The following WASL variants were observed in gnomAD, a reference collection of about 807,000 sequenced individuals.
The protein encoded by WASL is actin nucleation-promoting factor WASL.
WASL carries 20 observed loss-of-function variants against 55.5 expected under a neutral mutation model. The ratio of observed to expected loss-of-function variants is 0.36; its 90% CI spans 0.25 to 0.52. The LOEUF (loss-of-function observed/expected upper bound fraction) is 0.52, where lower values mean the gene tolerates loss of function less well. Among genes scored for constraint, WASL ranks in the 20% least tolerant of loss-of-function variants. WASL has a pLI of 0.92. For missense variants in WASL, 504 were observed against 622.5 expected (o/e 0.81, Z 2.03); for synonymous variants, 249 against 217.6 (o/e 1.14, Z -1.27).
At chr7:123,725,627 T>C (rs545466750) in intron 1 of WASL, among the ~76,000 whole-genome samples, 4 of 152,300 alleles carry the variant, frequency 2.6e-5, no homozygotes, top group Admixed American at 2.6e-4. Flanking sequence ...AGAACTTTAC[T>C]TGTATTTTCT....
At chr7:123,693,066 TTTC>T (rs1250040218) in intron 8 of WASL, among the ~76,000 whole-genome samples, 199 bp from the exon 9 acceptor site, 1 of 152,164 alleles carries the variant, frequency 6.6e-6, no homozygotes, top group Non-Finnish European at 1.5e-5. Flanking sequence ...TAAAGATCAC[TTTC>T]TTATTGGTTC....
intron 1 of WASL, among the ~76,000 whole-genome samples, chr7:123,726,082 A>G (rs1804035810): frequency 6.6e-6 from 1 of 152,224 alleles, no homozygotes; most frequent in South Asian, 2.1e-4. Flanking sequence ...TTAGATCAAT[A>G]TTCTTCATGC....
chr7:123,689,156 AAAAG>A lies in WASL; in HGVS notation c.1348-10_1348-7del. The A allele has an allele frequency of 1.2e-6, 2 of 1,610,376 alleles. No homozygotes were observed. The highest frequency in any genetic ancestry group is 1.7e-6 in the Non-Finnish European group (2 of 1,177,166). Reference sequence around the variant, plus strand: ...GACTCTTGGCCATCAGCCACCTTGGAAAAGAAAGTTAGCAAAACTCAGTAATAAA... The same window carrying A: ...GACTCTTGGCCATCAGCCACCTTGGAAAAGTTAGCAAAACTCAGTAATAAA... On this transcript the variant is annotated splice_polypyrimidine_tract_variant and splice_region_variant and intron_variant, in intron 9 of 10. Transcript: ENST00000223023.
intron 5 of WASL, among the ~76,000 whole-genome samples, chr7:123,704,100 A>G (rs1803631340): frequency 6.6e-6 from 1 of 152,204 alleles, no homozygotes; most frequent in South Asian, 2.1e-4. Flanking sequence ...AGTGGTCATT[A>G]TCAAATTAAA....
In WASL at chr7:123,704,620, G is replaced by T; in HGVS notation, c.460+14C>A. ...CTAAAATCTTAAAAGATTAATAATTGTCAAAAAGCTTACCATTTGGGGGAT... is the reference window on the plus strand; with the variant it reads ...CTAAAATCTTAAAAGATTAATAATTTTCAAAAAGCTTACCATTTGGGGGAT... On this transcript the variant is annotated intron_variant, in intron 5 of 10. Coordinates refer to ENST00000223023, the MANE Select transcript of WASL (RefSeq NM_003941.4). 1 of 1,509,552 alleles carries T rather than the reference G, an allele frequency of 6.6e-7. No individual in the cohort carries two copies. The highest frequency in any genetic ancestry group is 9.1e-7 in the Non-Finnish European group (1 of 1,104,412). 93.5% of individuals were successfully genotyped at this position (1,509,552 alleles called of 1,614,324 possible).
chr7:123,718,845 G>C (rs1381894987), intron 1 of WASL, among the ~76,000 whole-genome samples: 2 of 152,112 alleles, frequency 1.3e-5, no homozygotes, highest in Non-Finnish European at 2.9e-5. Flanking sequence ...ATCTAAACCT[G>C]TTTTCCTGGC....
intron 7 of WASL, 45 bp downstream of exon 7, chr7:123,695,778 T>G: frequency 1.3e-6 from 2 of 1,585,318 alleles, no homozygotes; most frequent in Non-Finnish European, 1.7e-6. Context: ...GGCCAACACA[T>G]TTCCACATAC....
At chr7:123,742,981 G>A (rs1207133942) in intron 1 of WASL, among the ~76,000 whole-genome samples, 1 of 152,064 alleles carries the variant, frequency 6.6e-6, no homozygotes, top group Non-Finnish European at 1.5e-5. Context: ...CATTAAAGCT[G>A]GAAAGACTGT....
chr7:123,724,882 A>G (rs375208896), intron 1 of WASL, among the ~76,000 whole-genome samples: 6 of 152,310 alleles, frequency 3.9e-5, no homozygotes, highest in African/African-American at 1.4e-4. Flanking sequence ...AAATGCCACA[A>G]CAATTTGCTT....
At chr7:123,744,979 G>A (rs1467264543) in intron 1 of WASL, among the ~76,000 whole-genome samples, 1 of 152,120 alleles carries the variant, frequency 6.6e-6, no homozygotes, top group Non-Finnish European at 1.5e-5. Context: ...TTTAGAAACT[G>A]TGGTAAAACA....
At chr7:123,711,690 TA>T (rs1264186093) in intron 1 of WASL, among the ~76,000 whole-genome samples, 2 of 152,108 alleles carry the variant, frequency 1.3e-5, no homozygotes, top group Non-Finnish European at 2.9e-5. Context: ...GACAGTGACT[TA>T]ATTAAGTTTT....
chr7:123,700,919 T>C (rs1803579229), intron 5 of WASL, among the ~76,000 whole-genome samples: 2 of 152,216 alleles, frequency 1.3e-5, no homozygotes, highest in South Asian at 2.1e-4. Context: ...TAGAAAAAAA[T>C]GGATTTCTAT....
chr7:123,734,786 G>T (rs10282073), intron 1 of WASL, among the ~76,000 whole-genome samples: 4 of 151,492 alleles, frequency 2.6e-5, no homozygotes, highest in Non-Finnish European at 5.9e-5. Context: ...TAAATCTAAC[G>T]TCAACTATGA....
chr7:123,747,527 AAGC>A (rs1371582511), intron 1 of WASL, among the ~76,000 whole-genome samples: 4 of 152,236 alleles, frequency 2.6e-5, no homozygotes, highest in Non-Finnish European at 4.4e-5. Context: ...CTTCTTAAAG[AAGC>A]AGGTGAAATC....
chr7:123,738,908 C>A (rs1216195676), intron 1 of WASL, among the ~76,000 whole-genome samples: 5 of 151,486 alleles, frequency 3.3e-5, no homozygotes, highest in African/African-American at 4.8e-5. Flanking sequence ...AAAAAAAAAA[C>A]CCAAAATCTC....
chr7:123,701,665 T>G (rs958218233), intron 5 of WASL, among the ~76,000 whole-genome samples: 1 of 152,206 alleles, frequency 6.6e-6, no homozygotes, highest in Non-Finnish European at 1.5e-5. Flanking sequence ...AGCACCTGCA[T>G]AGCTACTGGA....
In WASL at chr7:123,706,308, TG is replaced by T. The variant is rs1562960134; in HGVS notation, c.404del (p.Thr135LysfsTer30). ...EEAKKFRKAV[T>X]DLLGRRQRKS... ...TCCTTTGTCGACGGCCCAAAAGGTC[TG>T]TAACTGCTTTTCGAAATTTTTTTGC... On this transcript the variant is annotated frameshift_variant, in exon 4 of 11. Transcript: ENST00000223023. LOFTEE classifies it high-confidence loss of function. 6.2e-7 allele frequency: 1 copy of T among 1,613,766 alleles called. No individual in the cohort carries two copies. Among genetic ancestry groups the T allele is most frequent in the Non-Finnish European group, 8.5e-7 (1 of 1,179,822 alleles).
intron 1 of WASL, among the ~76,000 whole-genome samples, chr7:123,744,243 C>T (rs890811240): frequency 2.0e-5 from 3 of 152,078 alleles, no homozygotes; most frequent in African/African-American, 7.2e-5. Flanking sequence ...CCATTTCGGT[C>T]GCTTAATAAA....
At chr7:123,707,621 T>C (rs976062505) in intron 2 of WASL, among the ~76,000 whole-genome samples, 5 of 152,244 alleles carry the variant, frequency 3.3e-5, no homozygotes, top group South Asian at 2.1e-4. Context: ...TTTAAAAATA[T>C]GTAAAATACA....
Sources: gnomAD v4.1 joint callset for allele counts (sites outside exome capture counted in the v4.1 genomes callset) on GRCh38, gnomAD v4.1.1 for gene constraint, MANE v1.5 for transcripts, NCBI Gene and HGNC (gene_info 2026-07-23, HGNC 2026-07-21) for gene names.